Variants in IGF2BP2 observed in about 807,000 individuals in gnomAD.
The protein encoded by IGF2BP2 is insulin like growth factor 2 mRNA binding protein 2, also known as insulin-like growth factor 2 mRNA-binding protein 2.
In IGF2BP2, 17 loss-of-function variants were observed where a neutral mutation model predicts 75.8. The ratio of observed to expected loss-of-function variants is 0.22; its 90% CI spans 0.15 to 0.34. The LOEUF is 0.34. Among genes scored for constraint, IGF2BP2 ranks in the 10% least tolerant of loss-of-function variants. The pLI is 1.00. For synonymous variants in IGF2BP2, 288 were observed against 295.6 expected, an observed-to-expected ratio of 0.97 and a Z score of 0.26; for missense variants, 516 against 772.4, an observed-to-expected ratio of 0.67 and a Z score of 3.93.
In IGF2BP2 at chr3:185,647,459, T is replaced by C. The variant is rs1414315965; in HGVS notation, c.1594-321A>G. ...CACATGCTCACAGAGACCCCAGGCT[T>C]TCCCATACCCCCCCACTCCCCACCC... On this transcript the variant is annotated intron_variant, in intron 14 of 15. Transcript: ENST00000382199. The surrounding 1 kb of genome is among the most constrained non-coding windows in gnomAD (Gnocchi z 4.9). 6.6e-6 allele frequency among the ~76,000 whole-genome samples: 1 copy of C among 151,826 alleles called. No homozygotes were observed. Among genetic ancestry groups the C allele is most frequent in the Non-Finnish European group, 1.5e-5 (1 of 67,938 alleles).
At chr3:185,692,857 A>T (rs762818030) in intron 4 of IGF2BP2, 95 bp from the exon 5 acceptor site, 4 of 1,020,380 alleles carry the variant, frequency 3.9e-6, no homozygotes, top group Non-Finnish European at 6.2e-6. Flanking sequence ...AAATGCATAA[A>T]ACCCTCATCA....
intron 10 of IGF2BP2, among the ~76,000 whole-genome samples, chr3:185,664,151 G>C (rs1392097962): frequency 6.6e-6 from 1 of 152,162 alleles, no homozygotes; most frequent in East Asian, 1.9e-4. Context: ...GTCCTGCTCT[G>C]TGTGTTCTCA....
intron 2 of IGF2BP2, among the ~76,000 whole-genome samples, chr3:185,723,490 G>C (rs1726870288): frequency 6.6e-6 from 1 of 152,180 alleles, no homozygotes; most frequent in Non-Finnish European, 1.5e-5. Context: ...CACATCTTCT[G>C]AGTCTCCAGA....
chr3:185,757,459 CTTTTTTTT>C (rs57417087), intron 2 of IGF2BP2, among the ~76,000 whole-genome samples: 4 of 99,610 alleles, frequency 4.0e-5, no homozygotes, highest in African/African-American at 8.2e-5. Context: ...ATATCTCATA[CTTTTTTTT>C]TTTTTTTTTT....
chr3:185,672,981 C>T (rs1305252664), intron 9 of IGF2BP2, among the ~76,000 whole-genome samples: 1 of 152,212 alleles, frequency 6.6e-6, no homozygotes, highest in Admixed American at 6.5e-5. Context: ...AGTCCTGTTT[C>T]CTAAATACCT....
intron 2 of IGF2BP2, among the ~76,000 whole-genome samples, chr3:185,787,990 T>C (rs1199814122): frequency 2.0e-5 from 3 of 152,244 alleles, no homozygotes; most frequent in African/African-American, 7.2e-5. Context: ...TTAGGCATTC[T>C]AGTTAGCACG....
chr3:185,811,274 A>G (rs9869293), intron 2 of IGF2BP2, among the ~76,000 whole-genome samples: 6,665 of 152,268 alleles, frequency 0.044, 468 homozygotes, highest in African/African-American at 0.15. Context: ...TCATCATTAG[A>G]TAAGATCCAT....
intron 2 of IGF2BP2, among the ~76,000 whole-genome samples, chr3:185,706,907 T>C (rs1158378661): frequency 6.6e-6 from 1 of 151,754 alleles, no homozygotes; most frequent in Admixed American, 6.6e-5. Context: ...CGCCTGGCTA[T>C]ATTTTTATAT....
chr3:185,686,614 T>C (rs1721172652), intron 7 of IGF2BP2, among the ~76,000 whole-genome samples: 1 of 152,126 alleles, frequency 6.6e-6, no homozygotes, highest in Admixed American at 6.5e-5. Context: ...TCCAATTCAA[T>C]GGGCATTAGC....
At chr3:185,784,616 G>A (rs1266075617) in intron 2 of IGF2BP2, among the ~76,000 whole-genome samples, 5 of 152,196 alleles carry the variant, frequency 3.3e-5, no homozygotes, top group South Asian at 2.1e-4. Context: ...CTGTTCCAGC[G>A]ATCCCCTGCT....
intron 2 of IGF2BP2, among the ~76,000 whole-genome samples, chr3:185,720,570 G>A (rs1217944371): frequency 1.3e-5 from 2 of 152,202 alleles, no homozygotes; most frequent in African/African-American, 4.8e-5. Context: ...CACAGCACTG[G>A]AAATGAAGCT....
chr3:185,706,324 C>T (rs1443293596), intron 2 of IGF2BP2, among the ~76,000 whole-genome samples: 1 of 152,166 alleles, frequency 6.6e-6, no homozygotes, highest in Non-Finnish European at 1.5e-5. Flanking sequence ...ATCACTTGAG[C>T]CTGGGAGGTC....
At chr3:185,710,152 ATTTTTTTTTT>A (rs567527407) in intron 2 of IGF2BP2, among the ~76,000 whole-genome samples, 6 of 117,536 alleles carry the variant, frequency 5.1e-5, no homozygotes, top group Admixed American at 9.0e-5. Context: ...GTAGTTTTAG[ATTTTTTTTTT>A]TTTTTTTTTT....
At position 185,772,620 on chromosome 3, in the gene IGF2BP2, C is replaced by T. The variant is rs533456948; in HGVS notation, c.239+50533G>A. Among the ~76,000 whole-genome samples the T allele has an allele frequency of 2.0e-4, 27 of 135,792 alleles. No individual in the cohort carries two copies. The South Asian group carries it at 5.1e-3, about 25-fold the overall frequency. 89.1% of individuals were successfully genotyped at this position (135,792 alleles called of 152,430 possible). A position where few individuals can be genotyped will look rare whatever the true frequency, so the allele number is the denominator to read the frequency against. On this transcript the variant is annotated intron_variant, in intron 2 of 15. Coordinates refer to ENST00000382199, the MANE Select transcript of IGF2BP2 (RefSeq NM_006548.6). ...TTTTTGAGACAAAGTCTCGCTGTGT[C>T]GCCCAGGCTGGAGTGCAGTGGTGCA... is the stretch of plus-strand genomic sequence containing the variant.
intron 2 of IGF2BP2, among the ~76,000 whole-genome samples, chr3:185,740,602 G>A (rs1729419098): frequency 6.6e-6 from 1 of 152,122 alleles, no homozygotes; most frequent in African/African-American, 2.4e-5. Flanking sequence ...TATGTCAAAG[G>A]TCAAACTAAC....
chr3:185,738,681 T>A (rs557277590), intron 2 of IGF2BP2, among the ~76,000 whole-genome samples: 3 of 152,338 alleles, frequency 2.0e-5, no homozygotes, highest in Admixed American at 6.5e-5. Context: ...TCTCTATCAT[T>A]TACAGTTGCA....
intron 2 of IGF2BP2, among the ~76,000 whole-genome samples, chr3:185,702,166 T>A (rs1173471985): frequency 6.6e-6 from 1 of 152,210 alleles, no homozygotes; most frequent in East Asian, 1.9e-4. Flanking sequence ...GACAGGTTCC[T>A]TGTTTACTAT....
chr3:185,647,426 C>A lies in IGF2BP2; in HGVS notation c.1594-288G>T. Among the ~76,000 whole-genome samples the A allele has an allele frequency of 6.6e-6, 1 of 152,104 alleles. No homozygotes were observed. Among genetic ancestry groups the A allele is most frequent in the Non-Finnish European group, 1.5e-5 (1 of 68,012 alleles). ...TCTTATTCTGGAGTTCCCATCAACG[C>A]AGGCCTGCACATGCTCACAGAGACC... is the stretch of plus-strand genomic sequence containing the variant. On this transcript the variant is annotated intron_variant, in intron 14 of 15. Coordinates refer to ENST00000382199, the MANE Select transcript of IGF2BP2 (RefSeq NM_006548.6). The surrounding 1 kb of genome is among the most constrained non-coding windows in gnomAD (Gnocchi z 4.9).
intron 2 of IGF2BP2, among the ~76,000 whole-genome samples, chr3:185,780,561 C>A (rs1735079636): frequency 6.6e-6 from 1 of 152,162 alleles, no homozygotes; most frequent in Non-Finnish European, 1.5e-5. Flanking sequence ...TGCGTATATT[C>A]TGCGCTATTT....
Sources: allele counts gnomAD v4.1 joint callset (sites outside exome capture counted in the v4.1 genomes callset), GRCh38; gene constraint gnomAD v4.1.1; non-coding constraint Gnocchi (gnomAD v3.1); transcripts MANE v1.5; gene names NCBI Gene and HGNC (gene_info 2026-07-23, HGNC 2026-07-21).